PDZD2: variants seen among roughly 807,000 people sequenced by gnomAD.
PDZD2 encodes PDZ domain-containing protein 2.
In PDZD2, 90 loss-of-function variants were observed where a neutral mutation model predicts 220.7. That is an observed-to-expected ratio of 0.41 (90% CI 0.34 to 0.49). The LOEUF is 0.49. Ranked by LOEUF, PDZD2 falls within the 20% of genes least tolerant of loss-of-function variation. The pLI is 0.28. For missense variants in PDZD2, 3,174 were observed against 3,608.5 expected (o/e 0.88, Z 3.08); for synonymous variants, 1,375 against 1,450.5 (o/e 0.95, Z 1.18).
intron 2 of PDZD2, among the ~76,000 whole-genome samples, chr5:31,803,962 C>G (rs981258836): frequency 5.3e-5 from 8 of 151,390 alleles, no homozygotes; most frequent in Admixed American, 1.3e-4. Context: ...TTGCTTAAGC[C>G]CAGGAGGTCG....
chr5:31,780,641 C>T (rs1283751404), intron 1 of PDZD2, among the ~76,000 whole-genome samples: 5 of 152,136 alleles, frequency 3.3e-5, no homozygotes, highest in Non-Finnish European at 7.3e-5. Flanking sequence ...TTAGACATTT[C>T]CTTTTAATAT....
chr5:31,716,790 G>A (rs1000163446), intron 1 of PDZD2, among the ~76,000 whole-genome samples: 1 of 152,116 alleles, frequency 6.6e-6, no homozygotes, highest in African/African-American at 2.4e-5. Context: ...GTGACAGAGG[G>A]TGACTCAGTC....
rs1476082472 is a variant in PDZD2, at chr5:32,098,970, G to A, written c.8218+336G>A. ...TAAGGAAAACAGGAAACTACGTGAC[G>A]GGGCGAGCAGTGTTGAAGGAGAAAT... On this transcript the variant is annotated intron_variant, in intron 23 of 24. Transcript: ENST00000438447. The surrounding 1 kb of genome is among the most constrained non-coding windows in gnomAD (Gnocchi z 4.1). 1.3e-5 allele frequency among the ~76,000 whole-genome samples: 2 copies of A among 152,280 alleles called. No individual in the cohort carries two copies. Among genetic ancestry groups the A allele is most frequent in the African/African-American group, 2.4e-5 (1 of 41,552 alleles).
chr5:31,963,972 A>G (rs1748485434), intron 2 of PDZD2, among the ~76,000 whole-genome samples: 2 of 152,178 alleles, frequency 1.3e-5, no homozygotes, highest in African/African-American at 2.4e-5. Context: ...CCTCTAGGGT[A>G]CATTTGCCCC....
chr5:31,863,434 C>G (rs1405449695), intron 2 of PDZD2, among the ~76,000 whole-genome samples: 1 of 152,148 alleles, frequency 6.6e-6, no homozygotes, highest in East Asian at 1.9e-4. Context: ...CGTGGTTTTC[C>G]AGGTGGTTTC....
At chr5:31,670,937 C>T (rs913652613) in intron 1 of PDZD2, among the ~76,000 whole-genome samples, 1 of 152,096 alleles carries the variant, frequency 6.6e-6, no homozygotes, top group Non-Finnish European at 1.5e-5. Context: ...CCCACCAAGA[C>T]CCCTGGACTC....
intron 1 of PDZD2, among the ~76,000 whole-genome samples, chr5:31,722,151 T>C (rs925830459): frequency 1.3e-5 from 2 of 152,220 alleles, no homozygotes; most frequent in African/African-American, 4.8e-5. Flanking sequence ...TGTAGCCAAA[T>C]ATTTCACAAC....
intron 2 of PDZD2, among the ~76,000 whole-genome samples, chr5:31,822,028 C>G (rs551760725): frequency 1.3e-5 from 2 of 152,098 alleles, no homozygotes; most frequent in African/African-American, 4.8e-5. Context: ...ATGAACTCAT[C>G]GTTTTTTATG....
chr5:31,738,105 A>G (rs1435832467), intron 1 of PDZD2, among the ~76,000 whole-genome samples: 1 of 152,260 alleles, frequency 6.6e-6, no homozygotes, highest in Non-Finnish European at 1.5e-5. Context: ...CAATGTATTC[A>G]GATCATGGGA....
At chr5:31,650,938 G>T (rs1357016684) in intron 1 of PDZD2, among the ~76,000 whole-genome samples, 1 of 152,200 alleles carries the variant, frequency 6.6e-6, no homozygotes, top group African/African-American at 2.4e-5. Context: ...CTTGCTAAAA[G>T]ACTGGTCCAT....
At chr5:32,063,294 T>C (rs1739866536) in intron 14 of PDZD2, among the ~76,000 whole-genome samples, 1 of 151,996 alleles carries the variant, frequency 6.6e-6, no homozygotes, top group Non-Finnish European at 1.5e-5. Flanking sequence ...ATCCTCCCAC[T>C]GGATGATGGG....
chr5:31,707,372 G>C (rs973357590), intron 1 of PDZD2, among the ~76,000 whole-genome samples: 39 of 152,088 alleles, frequency 2.6e-4, no homozygotes, highest in African/African-American at 8.9e-4. Context: ...TAGAAGAAGA[G>C]GTAGAGAAAC....
At chr5:31,954,792 C>T (rs532008046) in intron 2 of PDZD2, among the ~76,000 whole-genome samples, 6 of 152,022 alleles carry the variant, frequency 3.9e-5, no homozygotes, top group East Asian at 3.9e-4. Flanking sequence ...CAAAATTAGC[C>T]GGGCGTGGTG....
At chr5:31,993,595 G>C (rs1014536748) in intron 3 of PDZD2, among the ~76,000 whole-genome samples, 41 of 152,296 alleles carry the variant, frequency 2.7e-4, no homozygotes, top group Middle Eastern at 3.4e-3. Context: ...CCTATTTCTA[G>C]GGGGATGGTG....
intron 3 of PDZD2, among the ~76,000 whole-genome samples, chr5:31,987,700 C>G (rs1208187342): frequency 6.6e-6 from 1 of 152,180 alleles, no homozygotes; most frequent in Non-Finnish European, 1.5e-5. Context: ...CCGCTGAACC[C>G]ACTCCAGTGC....
chr5:31,797,748 A>G (rs545406117), intron 1 of PDZD2, among the ~76,000 whole-genome samples: 2 of 152,288 alleles, frequency 1.3e-5, no homozygotes, highest in Non-Finnish European at 2.9e-5. Flanking sequence ...AAAGCACGCT[A>G]TATTGGAAAT....
At chr5:31,999,225 T>A (rs1751891525) in intron 4 of PDZD2, among the ~76,000 whole-genome samples, 1 of 151,656 alleles carries the variant, frequency 6.6e-6, no homozygotes, top group African/African-American at 2.4e-5. Flanking sequence ...GGCAGTTTAT[T>A]TGTTCTTTTC....
At chr5:31,997,125 G>A (rs781387534) in intron 4 of PDZD2, among the ~76,000 whole-genome samples, 1 of 152,150 alleles carries the variant, frequency 6.6e-6, no homozygotes, top group Non-Finnish European at 1.5e-5. Flanking sequence ...ATATACAGTA[G>A]GCATATAAAA....
At chr5:31,795,184 G>A (rs1333694507) in intron 1 of PDZD2, among the ~76,000 whole-genome samples, 1 of 152,130 alleles carries the variant, frequency 6.6e-6, no homozygotes, top group Non-Finnish European at 1.5e-5. Context: ...GGGTAGGATC[G>A]AGCTTTGGTA....
Sources: allele counts gnomAD v4.1 joint callset (sites outside exome capture counted in the v4.1 genomes callset), GRCh38; gene constraint gnomAD v4.1.1; non-coding constraint Gnocchi (gnomAD v3.1); transcripts MANE v1.5; gene names NCBI Gene and HGNC (gene_info 2026-07-23, HGNC 2026-07-21).